Variants in MED13 observed in about 807,000 individuals in gnomAD.
The protein encoded by MED13 is mediator of RNA polymerase II transcription subunit 13.
MED13 carries 23 observed loss-of-function variants against 225.2 expected under a neutral mutation model. The observed-to-expected ratio is 0.10, with a 90% CI of 0.07 to 0.14. The LOEUF (loss-of-function observed/expected upper bound fraction) is 0.14, where lower values mean the gene tolerates loss of function less well. Among genes scored for constraint, MED13 ranks in the 10% least tolerant of loss-of-function variants. MED13 has a pLI of 1.00. For synonymous variants in MED13, 942 were observed against 889.2 expected, an observed-to-expected ratio of 1.06 and a Z score of -1.06; for missense variants, 2,197 against 2,594.5, an observed-to-expected ratio of 0.85 and a Z score of 3.33.
At chr17:61,952,840 T>C (rs1165843488) in intron 27 of MED13, 125 bp downstream of exon 27, 1 of 1,091,816 alleles carries the variant, frequency 9.2e-7, no homozygotes, top group Non-Finnish European at 1.3e-6. Context: ...TTTCACCATA[T>C]TGGCCAGGCT....
At chr17:62,035,827 C>A (rs1438969697) in intron 3 of MED13, among the ~76,000 whole-genome samples, 1 of 151,988 alleles carries the variant, frequency 6.6e-6, no homozygotes, top group African/African-American at 2.4e-5. Flanking sequence ...AATACAGGAA[C>A]CAGTTAAACG....
Position 62,033,835 on chromosome 17 carries a change from C to T in MED13, c.766G>A (p.Asp256Asn). The change falls in exon 5 of 30, where the codon GAT becomes AAT. Residue 256 changes from aspartate (D) to asparagine (N), a missense_variant. By Grantham distance (23) the Asp-to-Asn change is conservative (BLOSUM62 1). This residue lies in a region of MED13 where 884 missense variants were observed against 918.5 expected (regional missense o/e 0.96). Transcript: ENST00000397786. ...AAAGAATCATCTTCCCAATCCATAT[C>T]TTCCTGTTTTTCTTCAGACATCTCC... ...LKEMSEEKQEDMDWEDDSLAA... is the reference protein window; with the variant it reads ...LKEMSEEKQENMDWEDDSLAA... The T allele has an allele frequency of 6.2e-7, 1 of 1,614,144 alleles. No homozygotes were observed. Among genetic ancestry groups the T allele is most frequent in the Non-Finnish European group, 8.5e-7 (1 of 1,180,014 alleles).
intron 3 of MED13, among the ~76,000 whole-genome samples, chr17:62,040,627 G>C (rs897981258): frequency 1.3e-5 from 2 of 152,144 alleles, no homozygotes; most frequent in African/African-American, 4.8e-5. Context: ...GAGGCACAAA[G>C]AGGTTAAATG....
At chr17:61,993,454 A>C (rs1009982887) in intron 10 of MED13, among the ~76,000 whole-genome samples, 14 of 151,014 alleles carry the variant, frequency 9.3e-5, no homozygotes, top group Non-Finnish European at 1.0e-4. Flanking sequence ...TGCCCGCCTC[A>C]GCCTCCCAAA....
chr17:61,957,044 C>T (rs953718657), intron 23 of MED13, among the ~76,000 whole-genome samples: 1 of 151,956 alleles, frequency 6.6e-6, no homozygotes, highest in Non-Finnish European at 1.5e-5. Context: ...TACTGCTCTA[C>T]GCCAGGGATT....
At chr17:61,986,190 GTAC>G (rs2080246006) in intron 12 of MED13, among the ~76,000 whole-genome samples, 1 of 152,050 alleles carries the variant, frequency 6.6e-6, no homozygotes, top group African/African-American at 2.4e-5. Flanking sequence ...GCCCTAAAAT[GTAC>G]TACATTATGG....
intron 26 of MED13, 160 bp downstream of exon 26, chr17:61,955,222 G>GT: frequency 1.8e-6 from 1 of 540,956 alleles, no homozygotes. Context: ...GCCCACCTGC[G>GT]TAATTGAGGA....
intron 17 of MED13, among the ~76,000 whole-genome samples, chr17:61,969,318 C>T (rs555770742): frequency 9.2e-5 from 14 of 151,970 alleles, no homozygotes; most frequent in Non-Finnish European, 1.9e-4. Context: ...CACCAGTGCA[C>T]GTCAGCCCAG....
intron 3 of MED13, among the ~76,000 whole-genome samples, chr17:62,043,690 A>G (rs1474747538): frequency 2.6e-5 from 4 of 152,210 alleles, no homozygotes; most frequent in African/African-American, 9.7e-5. Flanking sequence ...AATGTGGCCA[A>G]TCCAAACTGA....
At chr17:62,058,544 A>G (rs997121760) in intron 2 of MED13, among the ~76,000 whole-genome samples, 2 of 149,314 alleles carry the variant, frequency 1.3e-5, no homozygotes, top group East Asian at 2.0e-4. Context: ...AAAAAAAAAG[A>G]AAGAAAGAAA....
At chr17:62,000,993 A>T (rs1316089903) in intron 9 of MED13, among the ~76,000 whole-genome samples, 1 of 152,016 alleles carries the variant, frequency 6.6e-6, no homozygotes, top group Non-Finnish European at 1.5e-5. Context: ...CAAACTCCTG[A>T]CCTCGTGATC....
At chr17:61,962,992 G>T (rs752789251) in intron 20 of MED13, 21 bp from the exon 21 acceptor site, 5 of 1,608,766 alleles carry the variant, frequency 3.1e-6, no homozygotes, top group Non-Finnish European at 4.3e-6. Context: ...AGGTAGAAAT[G>T]AGACAAAAAG....
At chr17:61,981,378 C>T (rs567205664) in intron 16 of MED13, among the ~76,000 whole-genome samples, 2 of 152,084 alleles carry the variant, frequency 1.3e-5, no homozygotes, top group Non-Finnish European at 2.9e-5. Flanking sequence ...CTTGTCAAAA[C>T]TGTTCAATAG....
At chr17:62,018,894 A>G (rs1248538589) in intron 8 of MED13, among the ~76,000 whole-genome samples, 4 of 152,250 alleles carry the variant, frequency 2.6e-5, no homozygotes, top group Admixed American at 2.6e-4. Context: ...ATTCAGATCT[A>G]TATAACCCAG....
intron 5 of MED13, among the ~76,000 whole-genome samples, chr17:62,033,015 T>G (rs1405213713): frequency 6.6e-6 from 1 of 152,028 alleles, no homozygotes; most frequent in Non-Finnish European, 1.5e-5. Flanking sequence ...GTGGGCATGG[T>G]GGCATGCGCC....
intron 3 of MED13, among the ~76,000 whole-genome samples, chr17:62,042,932 T>A (rs1287050772): frequency 2.6e-5 from 4 of 151,734 alleles, no homozygotes; most frequent in Non-Finnish European, 1.5e-5. Context: ...GGAGGATCAC[T>A]TGAGGCTAGG....
Position 61,943,630 on chromosome 17 carries a change from C to T in MED13, c.*2838G>A, listed in dbSNP as rs1182762934. 1 of 152,536 alleles carries T rather than the reference C, an allele frequency of 6.6e-6. No individual in the cohort carries two copies. The highest frequency in any genetic ancestry group is 2.4e-5 in the African/African-American group (1 of 41,430). 9.4% of individuals were successfully genotyped at this position (152,536 alleles called of 1,614,324 possible). A position where few individuals can be genotyped will look rare whatever the true frequency, so the allele number is the denominator to read the frequency against. On this transcript the variant is annotated 3_prime_UTR_variant, in exon 30 of 30. Transcript: ENST00000397786. ...CAGCTACTTTAAAATTTAAGGATTACATATAAGTACACTTGGTGGCCTTCT... is the reference window on the plus strand; with the variant it reads ...CAGCTACTTTAAAATTTAAGGATTATATATAAGTACACTTGGTGGCCTTCT...
chr17:62,019,746 C>CTT (rs60862205), intron 8 of MED13, among the ~76,000 whole-genome samples: 20 of 143,002 alleles, frequency 1.4e-4, no homozygotes, highest in African/African-American at 3.8e-4. Context: ...TTCTTTTTTT[C>CTT]TTTTTTTTTT....
At chr17:61,959,651 T>C (rs1012261737) in intron 23 of MED13, among the ~76,000 whole-genome samples, 1 of 152,034 alleles carries the variant, frequency 6.6e-6, no homozygotes, top group Non-Finnish European at 1.5e-5. Flanking sequence ...TAGATATTTC[T>C]GCATATATTT....
Sources: allele counts gnomAD v4.1 joint callset (sites outside exome capture counted in the v4.1 genomes callset), GRCh38; gene constraint gnomAD v4.1.1; regional missense constraint gnomAD v4.1.1; transcripts MANE v1.5; gene names NCBI Gene and HGNC (gene_info 2026-07-23, HGNC 2026-07-21).